WIPI2: variants seen among roughly 807,000 people sequenced by gnomAD.
The protein encoded by WIPI2 is WD repeat domain phosphoinositide-interacting protein 2.
A neutral mutation model predicts 52.3 loss-of-function variants in WIPI2; 28 were observed. The observed-to-expected ratio is 0.54, with a 90% confidence interval of 0.40 to 0.73. WIPI2 has a LOEUF of 0.73. Among genes scored for constraint, WIPI2 ranks in the 30% least tolerant of loss-of-function variants. The pLI, the probability that WIPI2 is intolerant of heterozygous loss-of-function variation, is 0.00. For missense variants in WIPI2, 506 were observed against 602.9 expected (o/e 0.84, Z 1.68); for synonymous variants, 268 against 245.0 (o/e 1.09, Z -0.88).
chr7:5,216,983 T>G, intron 5 of WIPI2, 107 bp from the exon 6 acceptor site: 3 of 1,160,540 alleles, frequency 2.6e-6, no homozygotes, highest in South Asian at 1.5e-5. Flanking sequence ...ATCCAAGCTA[T>G]TATTTGTTCC....
intron 4 of WIPI2, 115 bp from the exon 5 acceptor site, chr7:5,216,448 A>G: frequency 4.9e-6 from 4 of 816,546 alleles, no homozygotes; most frequent in East Asian, 2.6e-5. Flanking sequence ...AATAAAATAC[A>G]ATAACAATAG....
chr7:5,212,766 CCTTGGCCTCCCAA>C (rs1782619527), intron 3 of WIPI2, among the ~76,000 whole-genome samples: 1 of 152,236 alleles, frequency 6.6e-6, no homozygotes, highest in Admixed American at 6.5e-5. Context: ...AATCCTCCCA[CCTTGGCCTCCCAA>C]AGTGCGGGGA....
chr7:5,212,053 C>CTGT (rs762932402), intron 3 of WIPI2, among the ~76,000 whole-genome samples: 1 of 152,112 alleles, frequency 6.6e-6, no homozygotes. Context: ...TTTTTTGTTG[C>CTGT]TGTTGTTGTT....
intron 5 of WIPI2, chr7:5,216,866 T>G (rs1782840163): frequency 1.5e-6 from 1 of 688,566 alleles, no homozygotes; most frequent in South Asian, 1.9e-5. Flanking sequence ...AGTTTGAGGT[T>G]ACTGATCAGT....
chr7:5,217,557 A>G (rs1782880826), intron 6 of WIPI2: 3 of 396,382 alleles, frequency 7.6e-6, no homozygotes, highest in East Asian at 5.8e-5. Context: ...TCGGCCCCCT[A>G]AAGTGCTGGG....
intron 2 of WIPI2, among the ~76,000 whole-genome samples, chr7:5,197,781 C>G (rs1220121529): frequency 6.6e-6 from 1 of 152,176 alleles, no homozygotes; most frequent in Non-Finnish European, 1.5e-5. Flanking sequence ...TGTGCCCCTT[C>G]CCTGTTTCAG....
At chr7:5,208,113 T>G (rs1782380545) in intron 3 of WIPI2, among the ~76,000 whole-genome samples, 1 of 152,220 alleles carries the variant, frequency 6.6e-6, no homozygotes, top group Non-Finnish European at 1.5e-5. Context: ...TCAGCCCTTC[T>G]GATGTGTGTA....
chr7:5,215,286 G>C (rs534252037), intron 4 of WIPI2, among the ~76,000 whole-genome samples: 4 of 152,098 alleles, frequency 2.6e-5, no homozygotes, highest in Non-Finnish European at 5.9e-5. Flanking sequence ...ACTCCAGCTT[G>C]GGCAACAAGA....
At chr7:5,207,995 A>G (rs1390109744) in intron 3 of WIPI2, among the ~76,000 whole-genome samples, 1 of 151,968 alleles carries the variant, frequency 6.6e-6, no homozygotes. Context: ...GAGACTCCTG[A>G]CCTCAGGCGA....
At position 5,227,607 on chromosome 7, in the gene WIPI2, G is replaced by A. The variant is rs62441071; in HGVS notation, c.1013+263G>A. 0.047 allele frequency among the ~76,000 whole-genome samples: 7,132 copies of A among 152,268 alleles called. 231 individuals are homozygous for A. The highest frequency in any genetic ancestry group is 0.072 in the Non-Finnish European group (4,876 of 68,022). On this transcript the variant is annotated intron_variant, in intron 10 of 12. Transcript: ENST00000288828. The surrounding 1 kb of genome is among the most constrained non-coding windows in gnomAD (Gnocchi z 8.1). The stretch of plus-strand genomic sequence containing the variant: ...AATGAAAGACGTTAAGTCAAACCTC[G>A]TGAGTGTGCCGTAGTTAACCCTTTG...
At position 5,230,957 on chromosome 7, in the gene WIPI2, G is replaced by T. The variant is rs1430628368; in HGVS notation, c.*10G>T. On this transcript the variant is annotated 3_prime_UTR_variant, in exon 13 of 13. Transcript: ENST00000288828. This position sits in a 1 kb window ranked among gnomAD's most constrained non-coding sequence, Gnocchi z 4.8. ...TCTTCGGACTGACTGAACTTGACCTGTGACCTCTGACCCGGGGAGCAGAGA... is the reference window on the plus strand; with the variant it reads ...TCTTCGGACTGACTGAACTTGACCTTTGACCTCTGACCCGGGGAGCAGAGA... 2 of 1,606,948 alleles carry T rather than the reference G, an allele frequency of 1.2e-6. No homozygotes were observed. Among genetic ancestry groups the T allele is most frequent in the Admixed American group, 3.4e-5 (2 of 59,182 alleles).
intron 3 of WIPI2, among the ~76,000 whole-genome samples, chr7:5,209,920 G>GT (rs1782471892): frequency 2.6e-5 from 4 of 151,662 alleles, no homozygotes; most frequent in South Asian, 4.2e-4. Flanking sequence ...TGTTTTTTTG[G>GT]TTTTTTTGGT....
chr7:5,206,188 T>C (rs1782287904), intron 3 of WIPI2, among the ~76,000 whole-genome samples: 1 of 152,284 alleles, frequency 6.6e-6, no homozygotes, highest in Non-Finnish European at 1.5e-5. Flanking sequence ...TCTGGGGTCA[T>C]GTTCTACCTT....
In WIPI2 at chr7:5,214,498, G is replaced by T. The variant is rs567714432; in HGVS notation, c.212-37G>T. The stretch of plus-strand genomic sequence containing the variant: ...TTCTGCCTGTGGCCATAGCCATGTG[G>T]AGATGTTCACGCATGTACTTCCCTT... On this transcript the variant is annotated intron_variant, in intron 3 of 12. Transcript: ENST00000288828. 2.5e-6 allele frequency: 4 copies of T among 1,614,182 alleles called. No individual in the cohort carries two copies. The South Asian group carries it at 3.3e-5, about 13-fold the overall frequency.
At chr7:5,228,519 G>A (rs1783559602) in intron 11 of WIPI2, among the ~76,000 whole-genome samples, 1 of 152,334 alleles carries the variant, frequency 6.6e-6, no homozygotes. Context: ...GGGAGGCCAG[G>A]CCTTCCTCCC....
At chr7:5,215,458 G>C (rs900696326) in intron 4 of WIPI2, among the ~76,000 whole-genome samples, 2 of 152,232 alleles carry the variant, frequency 1.3e-5, no homozygotes, top group Non-Finnish European at 2.9e-5. Flanking sequence ...GCATGTGTGC[G>C]TGTTTCACGC....
chr7:5,197,399 A>G (rs981119734), intron 2 of WIPI2, among the ~76,000 whole-genome samples: 1 of 152,122 alleles, frequency 6.6e-6, no homozygotes, highest in Non-Finnish European at 1.5e-5. Flanking sequence ...ATTTTGTTTT[A>G]GTTTTAGCCT....
chr7:5,210,712 T>C (rs1782514672), intron 3 of WIPI2, among the ~76,000 whole-genome samples: 1 of 152,258 alleles, frequency 6.6e-6, no homozygotes, highest in Non-Finnish European at 1.5e-5. Flanking sequence ...TGATTCTTGT[T>C]GTTCACAGTT....
chr7:5,206,578 T>C (rs1175970989), intron 3 of WIPI2, among the ~76,000 whole-genome samples: 1 of 152,226 alleles, frequency 6.6e-6, no homozygotes, highest in Non-Finnish European at 1.5e-5. Context: ...TATTACCTTC[T>C]CAGCACCTGC....
Sources: gnomAD v4.1 joint callset for allele counts (sites outside exome capture counted in the v4.1 genomes callset) on GRCh38, gnomAD v4.1.1 for gene constraint, Gnocchi (gnomAD v3.1) non-coding constraint, MANE v1.5 for transcripts, NCBI Gene and HGNC (gene_info 2026-07-23, HGNC 2026-07-21) for gene names.